STARD6: variants seen among roughly 807,000 people sequenced by gnomAD.
STARD6 encodes the protein stAR-related lipid transfer protein 6.
A neutral mutation model predicts 22.3 loss-of-function variants in STARD6; 21 were observed. The ratio of observed to expected loss-of-function variants is 0.94; its 90% CI spans 0.67 to 1.35. The LOEUF (loss-of-function observed/expected upper bound fraction) is 1.35. Ranked by LOEUF, STARD6 falls within the 40% of genes most tolerant of loss-of-function variation. The pLI, the probability that STARD6 is intolerant of heterozygous loss-of-function variation, is 0.00. For synonymous variants in STARD6, 80 were observed against 88.1 expected (o/e 0.91, Z 0.52); for missense variants, 269 against 266.9 (o/e 1.01, Z -0.05).
intron 7 of STARD6, among the ~76,000 whole-genome samples, chr18:54,328,026 C>G (rs982451992): frequency 9.9e-5 from 15 of 152,004 alleles, no homozygotes; most frequent in African/African-American, 3.6e-4. Flanking sequence ...ATCCCTTTAC[C>G]AGTGTATTCA....
intron 4 of STARD6, among the ~76,000 whole-genome samples, chr18:54,351,179 G>A (rs535222631): frequency 6.6e-6 from 1 of 152,038 alleles, no homozygotes; most frequent in South Asian, 2.1e-4. Flanking sequence ...AGTTTCCCTT[G>A]TAGAGATCTC....
intron 4 of STARD6, among the ~76,000 whole-genome samples, chr18:54,346,798 C>G (rs2089040786): frequency 6.6e-6 from 1 of 152,034 alleles, no homozygotes; most frequent in Non-Finnish European, 1.5e-5. Context: ...GTGAAAGAAG[C>G]AAGTCACAAA....
chr18:54,326,424 C>T (rs981728329), intron 7 of STARD6, among the ~76,000 whole-genome samples: 5 of 151,282 alleles, frequency 3.3e-5, no homozygotes, highest in Admixed American at 1.3e-4. Context: ...CCCCGCCTCC[C>T]GGGTTCAAAC....
intron 5 of STARD6, among the ~76,000 whole-genome samples, chr18:54,334,984 T>C (rs2088895320): frequency 6.6e-6 from 1 of 152,072 alleles, no homozygotes; most frequent in Admixed American, 6.6e-5. Context: ...TTGTGAAATA[T>C]TTGTCAAGTG....
chr18:54,337,083 T>A, intron 5 of STARD6, 42 bp downstream of exon 5: 2 of 1,541,830 alleles, frequency 1.3e-6, no homozygotes, highest in Non-Finnish European at 1.8e-6. Flanking sequence ...AAACTAAAAA[T>A]ATATTAATGT....
chr18:54,352,313 T>C (rs771379921), intron 4 of STARD6, among the ~76,000 whole-genome samples: 2 of 152,214 alleles, frequency 1.3e-5, no homozygotes, highest in Non-Finnish European at 2.9e-5. Context: ...TCATTGCTAA[T>C]TGAGTTTATT....
In STARD6 at chr18:54,357,845, G is replaced by C. The variant is rs905890841; in HGVS notation, c.-142C>G. 6.6e-6 allele frequency: 1 copy of C among 152,346 alleles called. No individual in the cohort carries two copies. Among genetic ancestry groups the C allele is most frequent in the African/African-American group, 2.4e-5 (1 of 41,468 alleles). The allele number at this position is 152,346 out of a possible 1,614,324, so 9.4% of individuals were successfully genotyped here. On this transcript the variant is annotated 5_prime_UTR_variant, in exon 1 of 8. Transcript: ENST00000307844. ...CAACAGCATCCTCTCTTCTCCGGCC[G>C]CTCCCTCATCTCCGCTCGCGCCCGG...
rs1195568711 is a variant in STARD6 at position 54,329,394 on chromosome 18, G to C, written c.432C>G (p.Ile144Met). Residue 144 changes from isoleucine to methionine, a missense_variant, in exon 7 of 8, where the codon ATC (isoleucine) becomes ATG (methionine). Transcript: ENST00000307844. ...FPEYPPSSNY[I>M]RGYNHPCGFV... ...AGCCACAAGGATGGTTATAACCGCG[G>C]ATATAATTTGAAGATGGAGGATATT... 3 of 1,604,650 alleles carry C rather than the reference G, an allele frequency of 1.9e-6. No individual in the cohort carries two copies. Among genetic ancestry groups the C allele is most frequent in the African/African-American group, 2.7e-5 (2 of 74,308 alleles).
At chr18:54,355,361 G>C (rs556198942) in intron 2 of STARD6, among the ~76,000 whole-genome samples, 13 of 152,248 alleles carry the variant, frequency 8.5e-5, no homozygotes, top group Admixed American at 3.3e-4. Flanking sequence ...ATTGAACCCT[G>C]CTTGAAGTTA....
Position 54,350,920 on chromosome 18 carries a change from C to T in STARD6, c.140+3134G>A, listed in dbSNP as rs149059670. The stretch of plus-strand genomic sequence containing the variant: ...TAGTTTGAAGTTGGGTAATGTGGTG[C>T]CTCCAGATTTATTCTTTTTGCTTAG... On this transcript the variant is annotated intron_variant, in intron 4 of 7. Transcript: ENST00000307844. Among the ~76,000 whole-genome samples the T allele has an allele frequency of 5.3e-5, 8 of 152,182 alleles. No individual in the cohort carries two copies. In the East Asian group the frequency reaches 1.5e-3, roughly 29 times the overall value.
At chr18:54,336,002 A>G (rs140546110) in intron 5 of STARD6, among the ~76,000 whole-genome samples, 1 of 152,234 alleles carries the variant, frequency 6.6e-6, no homozygotes, top group East Asian at 1.9e-4. Flanking sequence ...TTCACCATGT[A>G]TCATTATTCC....
chr18:54,353,503 T>A (rs142783768), intron 4 of STARD6, among the ~76,000 whole-genome samples: 2 of 152,098 alleles, frequency 1.3e-5, no homozygotes, highest in Admixed American at 6.5e-5. Context: ...TACAAAAACA[T>A]ATAAAAATTA....
At chr18:54,344,624 A>T (rs2089018426) in intron 4 of STARD6, among the ~76,000 whole-genome samples, 2 of 150,312 alleles carry the variant, frequency 1.3e-5, no homozygotes, top group African/African-American at 4.9e-5. Flanking sequence ...ACACCCCAGT[A>T]TCTCTTATGT....
At chr18:54,349,994 A>C (rs2089080263) in intron 4 of STARD6, among the ~76,000 whole-genome samples, 1 of 152,160 alleles carries the variant, frequency 6.6e-6, no homozygotes, top group African/African-American at 2.4e-5. Flanking sequence ...CTCTGGATAC[A>C]TACCCAGTAG....
intron 6 of STARD6, among the ~76,000 whole-genome samples, chr18:54,330,962 G>A (rs558996937): frequency 6.6e-6 from 1 of 152,154 alleles, no homozygotes; most frequent in South Asian, 2.1e-4. Context: ...AACTGGGTTT[G>A]AATGAGTGCT....
intron 6 of STARD6, 90 bp downstream of exon 6, chr18:54,331,647 TTAAAA>T (rs1211866329): frequency 1.2e-6 from 1 of 857,402 alleles, no homozygotes; most frequent in Non-Finnish European, 1.8e-6. Flanking sequence ...AAGGAAATAA[TTAAAA>T]TATAATTTCT....
chr18:54,331,791 G>A lies in STARD6; in HGVS notation c.336C>T (p.Ile112=), dbSNP rs1363503470. The change falls in exon 6 of 8, where the codon ATC becomes ATT. Residue 112 remains isoleucine (I), a synonymous_variant. Coordinates refer to ENST00000307844, the MANE Select transcript of STARD6 (RefSeq NM_139171.2). ...AVGSISPRDF[I]DLVYIKRYEG... ...CGTAGCGCTTGATGTACACTAAGTC[G>A]ATAAAGTCTCGAGGGGAAATGGAGC... The A allele has an allele frequency of 5.6e-6, 9 of 1,613,086 alleles. No homozygotes were observed. Among genetic ancestry groups the A allele is most frequent in the Admixed American group, 1.7e-5 (1 of 59,976 alleles).
intron 7 of STARD6, among the ~76,000 whole-genome samples, chr18:54,328,838 A>T (rs1317420257): frequency 6.6e-6 from 1 of 152,204 alleles, no homozygotes; most frequent in East Asian, 1.9e-4. Flanking sequence ...GGCCACCTTT[A>T]GGCAGTGACT....
intron 4 of STARD6, among the ~76,000 whole-genome samples, chr18:54,339,768 T>C (rs957018479): frequency 5.9e-5 from 9 of 152,178 alleles, no homozygotes; most frequent in Non-Finnish European, 8.8e-5. Context: ...AAATAGTAAG[T>C]CAAATCCTTA....
Sources: allele counts gnomAD v4.1 joint callset (sites outside exome capture counted in the v4.1 genomes callset), GRCh38; gene constraint gnomAD v4.1.1; transcripts MANE v1.5; gene names NCBI Gene and HGNC (gene_info 2026-07-23, HGNC 2026-07-21).